Variants in MFN1 observed in about 807,000 individuals in gnomAD.
MFN1 encodes the protein mitofusin 1.
Under a neutral mutation model 92.4 loss-of-function variants are expected in MFN1, and 65 were observed. The ratio of observed to expected loss-of-function variants is 0.70; its 90% CI spans 0.58 to 0.86. The LOEUF is 0.86. MFN1 is among the 40% of genes least tolerant of loss of function. The pLI, the probability that MFN1 is intolerant of heterozygous loss-of-function variation, is 0.00. For synonymous variants in MFN1, 297 were observed against 300.9 expected (o/e 0.99, Z 0.13); for missense variants, 781 against 868.0 (o/e 0.90, Z 1.26).
intron 16 of MFN1, among the ~76,000 whole-genome samples, chr3:179,387,765 G>A (rs1713747381): frequency 7.3e-6 from 1 of 137,866 alleles, no homozygotes; most frequent in Non-Finnish European, 1.6e-5. Context: ...GTCTCACTCT[G>A]TCACCCAGGC....
At chr3:179,366,217 A>G (rs1200925698) in intron 7 of MFN1, among the ~76,000 whole-genome samples, 1 of 152,206 alleles carries the variant, frequency 6.6e-6, no homozygotes, top group Non-Finnish European at 1.5e-5. Flanking sequence ...TCAGTAATGC[A>G]GACGTCAGTA....
intron 1 of MFN1, chr3:179,348,140 C>G (rs1028115975): frequency 6.6e-6 from 1 of 152,192 alleles, no homozygotes; most frequent in Non-Finnish European, 1.5e-5. Context: ...TCACACCGGC[C>G]GGACCGGGGC....
At chr3:179,378,471 C>T (rs144536384) in intron 13 of MFN1, 28 bp downstream of exon 13, 17 of 1,561,560 alleles carry the variant, frequency 1.1e-5, no homozygotes, top group Non-Finnish European at 1.4e-5. Flanking sequence ...AAGGTCATGT[C>T]TGGTTTGTTT....
chr3:179,369,570 C>T (rs996613606), intron 9 of MFN1, among the ~76,000 whole-genome samples: 1 of 152,070 alleles, frequency 6.6e-6, no homozygotes, highest in African/African-American at 2.4e-5. Context: ...AAGAATATCT[C>T]GTTGAGGAGG....
At chr3:179,377,564 C>T in intron 12 of MFN1, 116 bp downstream of exon 12, 1 of 575,786 alleles carries the variant, frequency 1.7e-6, no homozygotes, top group South Asian at 2.8e-5. Flanking sequence ...TGTTAGATCT[C>T]TTGTGCCCTC....
chr3:179,359,280 C>T (rs1712472498), intron 4 of MFN1, among the ~76,000 whole-genome samples: 1 of 151,900 alleles, frequency 6.6e-6, no homozygotes, highest in South Asian at 2.1e-4. Context: ...GCCACCACAC[C>T]CGGCTAATTT....
At chr3:179,380,893 TTGA>T (rs528059167) in intron 14 of MFN1, among the ~76,000 whole-genome samples, 7 of 152,228 alleles carry the variant, frequency 4.6e-5, no homozygotes, top group African/African-American at 1.4e-4. Flanking sequence ...ACTACATTTA[TTGA>T]TGATGAGGAG....
chr3:179,371,355 G>GAA (rs397784660), intron 9 of MFN1, among the ~76,000 whole-genome samples: 84 of 148,902 alleles, frequency 5.6e-4, no homozygotes, highest in African/African-American at 1.6e-3. Context: ...TCTCTAGCAG[G>GAA]AAAAAAAAAA....
chr3:179,374,357 CAT>C (rs1283883722), intron 9 of MFN1, among the ~76,000 whole-genome samples: 14 of 138,328 alleles, frequency 1.0e-4, no homozygotes, highest in East Asian at 4.0e-4. Context: ...ACATATATAA[CAT>C]ATATATGTAA....
chr3:179,350,170 T>C (rs1245151062), intron 2 of MFN1, among the ~76,000 whole-genome samples: 1 of 151,890 alleles, frequency 6.6e-6, no homozygotes, highest in Non-Finnish European at 1.5e-5. Flanking sequence ...AAAAAGATTA[T>C]GCACCTCTCA....
chr3:179,390,948 CCAA>C (rs1352870028), intron 17 of MFN1, among the ~76,000 whole-genome samples: 1 of 152,148 alleles, frequency 6.6e-6, no homozygotes, highest in Non-Finnish European at 1.5e-5. Context: ...CTTCATCTGA[CCAA>C]CAACACGTGT....
chr3:179,377,484 G>A (rs766430299), intron 12 of MFN1, 36 bp downstream of exon 12: 2 of 1,300,688 alleles, frequency 1.5e-6, no homozygotes, highest in Admixed American at 1.9e-5. Flanking sequence ...TTCAGAGACA[G>A]TTTCTTATTA....
intron 9 of MFN1, among the ~76,000 whole-genome samples, chr3:179,369,126 A>G (rs144166290): frequency 1.5e-4 from 23 of 152,296 alleles, no homozygotes; most frequent in African/African-American, 5.3e-4. Flanking sequence ...AAGCTATAGG[A>G]TACGTGAAGT....
intron 10 of MFN1, 159 bp from the exon 11 acceptor site, chr3:179,376,883 T>A (rs1713259584): frequency 1.7e-6 from 1 of 595,878 alleles, no homozygotes; most frequent in African/African-American, 1.9e-5. Context: ...ATAAAATACT[T>A]TATAAGTGAA....
At chr3:179,372,633 T>C (rs182243512) in intron 9 of MFN1, among the ~76,000 whole-genome samples, 1 of 152,174 alleles carries the variant, frequency 6.6e-6, no homozygotes, top group Non-Finnish European at 1.5e-5. Context: ...TTTTCTTCTC[T>C]ATACTTACTC....
Position 179,394,407 on chromosome 3 carries a change from A to ATTTTT in MFN1, c.*2348_*2349insTTTTT, listed in dbSNP as rs1714018951. On this transcript the variant is annotated 3_prime_UTR_variant, in exon 18 of 18. Transcript: ENST00000471841. Reference sequence around the variant, plus strand: ...TGGAACAGTAAAATAACGAAAGCCAACTTTTTTTTTTTTTTTTTTTTTTTT... The same window carrying ATTTTT: ...TGGAACAGTAAAATAACGAAAGCCAATTTTTCTTTTTTTTTTTTTTTTTTTTTTTT... The ATTTTT allele has an allele frequency of 7.9e-6, 1 of 126,786 alleles. No individual in the cohort carries two copies. The highest frequency in any genetic ancestry group is 3.1e-5 in the African/African-American group (1 of 32,026). 7.9% of individuals were successfully genotyped at this position (126,786 alleles called of 1,614,324 possible).
Position 179,367,490 on chromosome 3 carries a change from A to G in MFN1, c.805A>G (p.Lys269Glu), listed in dbSNP as rs772493454. ...RCLHFLVEEL[K>E]VVNALEAQNR... Reference sequence around the variant, plus strand: ...CCTGCATTTCTTGGTGGAGGAGCTCAAAGTTGTAAATGCTTTAGAAGCACA... The same window carrying G: ...CCTGCATTTCTTGGTGGAGGAGCTCGAAGTTGTAAATGCTTTAGAAGCACA... Residue 269 changes from lysine to glutamate, a missense_variant, in exon 8 of 18, where the codon AAA becomes GAA. Physicochemically the swap from Lys to Glu is moderately conservative, Grantham distance 56. Coordinates refer to ENST00000471841, the MANE Select transcript of MFN1 (RefSeq NM_033540.3). 8 of 1,613,890 alleles carry G rather than the reference A, an allele frequency of 5.0e-6. No homozygotes were observed. The South Asian group carries it at 8.8e-5, about 18-fold the overall frequency.
In MFN1 at chr3:179,368,033, C is replaced by T; in HGVS notation, c.908-3C>T. The T allele has an allele frequency of 6.5e-7, 1 of 1,545,780 alleles. No individual in the cohort carries two copies. The highest frequency in any genetic ancestry group is 2.5e-5 in the East Asian group (1 of 40,558). ...TTTTTAAATCTTTGCCTGTACGTTA[C>T]AGGTGTGGCACTTGCTGAAGGATTT... On this transcript the variant is annotated splice_region_variant and splice_polypyrimidine_tract_variant and intron_variant, in intron 8 of 17. Coordinates refer to ENST00000471841, the MANE Select transcript of MFN1 (RefSeq NM_033540.3).
chr3:179,348,679 G>A (rs1250650512), intron 1 of MFN1, 166 bp from the exon 2 acceptor site: 12 of 970,396 alleles, frequency 1.2e-5, no homozygotes, highest in Non-Finnish European at 1.7e-5. Context: ...TTCAAAAGTC[G>A]TCTCTAACTG....
Sources: gnomAD v4.1 joint callset for allele counts (sites outside exome capture counted in the v4.1 genomes callset) on GRCh38, gnomAD v4.1.1 for gene constraint, MANE v1.5 for transcripts, NCBI Gene and HGNC (gene_info 2026-07-23, HGNC 2026-07-21) for gene names.